The following IL1RAPL2 variants were observed in gnomAD, a reference collection of about 807,000 sequenced individuals.
The protein encoded by IL1RAPL2 is X-linked interleukin-1 receptor accessory protein-like 2.
Under a neutral mutation model 44.1 loss-of-function variants are expected in IL1RAPL2, and 3 were observed. That is an observed-to-expected ratio of 0.07 (90% CI 0.03 to 0.18). IL1RAPL2 has a LOEUF of 0.18. Among genes scored for constraint, IL1RAPL2 ranks in the 10% least tolerant of loss-of-function variants. The pLI is 1.00. For synonymous variants in IL1RAPL2, 181 were observed against 178.8 expected (o/e 1.01, Z -0.10); for missense variants, 391 against 496.4 (o/e 0.79, Z 2.02).
chrX:105,537,565 T>C (rs2036686809), intron 6 of IL1RAPL2, among the ~76,000 whole-genome samples: 1 of 112,127 alleles, frequency 8.9e-6, no homozygotes, highest in Non-Finnish European at 1.9e-5. Flanking sequence ...AAATAAGCAG[T>C]GTATGTTTAG....
intron 7 of IL1RAPL2, among the ~76,000 whole-genome samples, chrX:105,725,805 C>T (rs2038346390): frequency 8.9e-6 from 1 of 111,941 alleles, no homozygotes; most frequent in Admixed American, 9.5e-5. Flanking sequence ...CTTTCTTCTA[C>T]TCTCAGCTCA....
intron 2 of IL1RAPL2, among the ~76,000 whole-genome samples, chrX:104,672,110 T>C (rs915659762): frequency 9.0e-6 from 1 of 111,564 alleles, no homozygotes; most frequent in Non-Finnish European, 1.9e-5. Context: ...TTTCTTTTTT[T>C]TTTATACTTT....
chrX:105,744,459 G>T (rs767949940), intron 8 of IL1RAPL2, among the ~76,000 whole-genome samples: 2 of 111,216 alleles, frequency 1.8e-5, no homozygotes, highest in Non-Finnish European at 3.8e-5. Context: ...GACCTTTTAA[G>T]CTTTATCACA....
At chrX:105,449,946 C>T (rs777526218) in intron 5 of IL1RAPL2, among the ~76,000 whole-genome samples, 1 of 111,970 alleles carries the variant, frequency 8.9e-6, no homozygotes, top group East Asian at 2.9e-4. Flanking sequence ...CAGCAGAGCA[C>T]TGGGCCTCAT....
chrX:104,911,239 GT>G (rs1416459124), intron 2 of IL1RAPL2, among the ~76,000 whole-genome samples: 4 of 111,563 alleles, frequency 3.6e-5, no homozygotes, highest in Non-Finnish European at 7.5e-5. Flanking sequence ...AGAATTAAAT[GT>G]TCCAAATTAC....
At chrX:105,325,295 A>G (rs925002703) in intron 5 of IL1RAPL2, among the ~76,000 whole-genome samples, 2 of 110,259 alleles carry the variant, frequency 1.8e-5, no homozygotes, top group South Asian at 3.8e-4. Flanking sequence ...GAATCATACA[A>G]TATGAGTTCT....
chrX:105,408,901 C>A (rs2035671318), intron 5 of IL1RAPL2, among the ~76,000 whole-genome samples: 1 of 108,725 alleles, frequency 9.2e-6, no homozygotes, highest in Non-Finnish European at 1.9e-5. Context: ...GAGTGAAACC[C>A]AGGTTTTAGA....
At chrX:105,453,227 A>G (rs2036031644) in intron 5 of IL1RAPL2, among the ~76,000 whole-genome samples, 1 of 112,211 alleles carries the variant, frequency 8.9e-6, no homozygotes, top group Non-Finnish European at 1.9e-5. Flanking sequence ...CAGCACACAC[A>G]GAATCTTCCA....
chrX:104,786,040 G>A (rs2301378), intron 2 of IL1RAPL2, among the ~76,000 whole-genome samples: 9,604 of 112,290 alleles, frequency 0.086, 403 homozygotes, highest in Non-Finnish European at 0.12. Flanking sequence ...TACTTGATGT[G>A]TCAGGTTCTT....
chrX:104,656,420 A>G (rs12010251), intron 1 of IL1RAPL2, among the ~76,000 whole-genome samples: 1,330 of 111,496 alleles, frequency 0.012, 26 homozygotes, highest in African/African-American at 0.041. Flanking sequence ...TTCTGCCTTC[A>G]TTTCGTTATT....
intron 2 of IL1RAPL2, among the ~76,000 whole-genome samples, chrX:105,182,118 A>G (rs1556131304): frequency 9.1e-6 from 1 of 110,425 alleles, no homozygotes; most frequent in Admixed American, 9.6e-5. Flanking sequence ...CAGGTGTTAG[A>G]TAAAGTCATC....
chrX:105,184,034 C>G (rs1270475846), intron 2 of IL1RAPL2, among the ~76,000 whole-genome samples: 1 of 111,353 alleles, frequency 9.0e-6, no homozygotes, highest in Non-Finnish European at 1.9e-5. Flanking sequence ...CAGGGTCTCT[C>G]CTATGGCTAG....
chrX:104,630,665 G>A (rs1929623176), intron 1 of IL1RAPL2, among the ~76,000 whole-genome samples: 1 of 110,970 alleles, frequency 9.0e-6, no homozygotes, highest in Non-Finnish European at 1.9e-5. Flanking sequence ...GCAAATTGTA[G>A]GATTGTGTTT....
chrX:104,902,152 G>T (rs774223888), intron 2 of IL1RAPL2, among the ~76,000 whole-genome samples: 2 of 111,779 alleles, frequency 1.8e-5, no homozygotes, highest in Admixed American at 1.9e-4. Flanking sequence ...TGGTATGAAC[G>T]TTATGGAAGT....
intron 1 of IL1RAPL2, among the ~76,000 whole-genome samples, chrX:104,569,012 G>T (rs1928095272): frequency 8.9e-6 from 1 of 112,106 alleles, no homozygotes; most frequent in Non-Finnish European, 1.9e-5. Flanking sequence ...TTTAAATGTG[G>T]ATAAAGGGCT....
At chrX:104,928,253 T>C (rs1262847574) in intron 2 of IL1RAPL2, among the ~76,000 whole-genome samples, 3 of 111,704 alleles carry the variant, frequency 2.7e-5, no homozygotes, top group Non-Finnish European at 5.7e-5. Context: ...GTAGATCTTA[T>C]TAATTTTTTC....
At chrX:105,496,575 C>G (rs1031325348) in intron 6 of IL1RAPL2, among the ~76,000 whole-genome samples, 1 of 112,000 alleles carries the variant, frequency 8.9e-6, no homozygotes, top group South Asian at 3.7e-4. Context: ...TAATTAATTT[C>G]TTTGGTAGTT....
At chrX:105,684,525 C>T (rs988940199) in intron 6 of IL1RAPL2, among the ~76,000 whole-genome samples, 2 of 112,334 alleles carry the variant, frequency 1.8e-5, no homozygotes, top group African/African-American at 3.2e-5. Context: ...ACAAAGCGGC[C>T]GGGAAGCTCG....
chrX:104,623,685 G>C (rs1000793348), intron 1 of IL1RAPL2, among the ~76,000 whole-genome samples: 1 of 111,089 alleles, frequency 9.0e-6, no homozygotes, highest in African/African-American at 3.3e-5. Flanking sequence ...GACTGACTCA[G>C]GCCTCCCCAG....
Sources: gnomAD v4.1 joint callset for allele counts (sites outside exome capture counted in the v4.1 genomes callset) on GRCh38, gnomAD v4.1.1 for gene constraint, MANE v1.5 for transcripts, NCBI Gene and HGNC (gene_info 2026-07-23, HGNC 2026-07-21) for gene names.